Variants in NRXN3 observed in about 807,000 individuals in gnomAD.
NRXN3 encodes neurexin 3, also known as neurexin III.
Under a neutral mutation model 137.6 loss-of-function variants are expected in NRXN3, and 32 were observed. The ratio of observed to expected loss-of-function variants is 0.23; its 90% CI spans 0.18 to 0.31. The LOEUF (loss-of-function observed/expected upper bound fraction) is 0.31, where lower values mean the gene tolerates loss of function less well. Among genes scored for constraint, NRXN3 ranks in the 10% least tolerant of loss-of-function variants. The probability of loss-of-function intolerance (pLI) is 1.00; values close to 1 mark genes in which losing one functional copy is unlikely to be tolerated. For missense variants in NRXN3, 1,574 were observed against 2,062.5 expected (o/e 0.76, Z 4.59); for synonymous variants, 798 against 784.5 (o/e 1.02, Z -0.29).
chr14:78,748,642 A>G lies in NRXN3; in HGVS notation c.2044+33503A>G, dbSNP rs188416551. ...GCCAACCTAGACTCAGTGGTAACAG[A>G]GATAGCGATAAGTGAACAGATGAGA... On this transcript the variant is annotated intron_variant, in intron 8 of 20. Transcript: ENST00000335750. Among the ~76,000 whole-genome samples the G allele has an allele frequency of 4.0e-4, 61 of 152,318 alleles. 1 individual carries two copies. The highest frequency in any genetic ancestry group is 1.4e-3 in the African/African-American group (57 of 41,580).
At chr14:79,739,360 C>A (rs2098952663) in intron 19 of NRXN3, among the ~76,000 whole-genome samples, 1 of 151,868 alleles carries the variant, frequency 6.6e-6, no homozygotes, top group South Asian at 2.1e-4. Flanking sequence ...AGAACCCAGC[C>A]CTCACTGGGC....
chr14:78,927,549 A>G (rs983240611), intron 10 of NRXN3, among the ~76,000 whole-genome samples: 1 of 152,176 alleles, frequency 6.6e-6, no homozygotes, highest in Non-Finnish European at 1.5e-5. Context: ...GGTACTTACC[A>G]TTACTTCATA....
chr14:79,021,860 A>G (rs1367879328), intron 15 of NRXN3, among the ~76,000 whole-genome samples: 1 of 152,188 alleles, frequency 6.6e-6, no homozygotes, highest in Non-Finnish European at 1.5e-5. Flanking sequence ...TGGTGACATC[A>G]TCTGCCAGGC....
chr14:78,385,305 A>G (rs2153635188), intron 4 of NRXN3, among the ~76,000 whole-genome samples: 1 of 136,460 alleles, frequency 7.3e-6, no homozygotes, highest in East Asian at 2.5e-4. Context: ...ACACACACAC[A>G]CACACACACA....
Position 79,565,299 on chromosome 14 carries a change from A to G in NRXN3, c.3444+97897A>G, listed in dbSNP as rs142090559. Among the ~76,000 whole-genome samples, 938 of 133,016 alleles carry G rather than the reference A, an allele frequency of 7.1e-3. 13 individuals are homozygous for G. The highest frequency in any genetic ancestry group is 0.034 in the South Asian group (143 of 4,242). The allele number at this position is 133,016 out of a possible 152,430, so 87.3% of individuals were successfully genotyped here. On this transcript the variant is annotated intron_variant, in intron 16 of 20. Coordinates refer to ENST00000335750, the MANE Select transcript of NRXN3 (RefSeq NM_001330195.2). ...TGTATACATATACGCACACATGTGT[A>G]TATACATATACACACACATGTGTGT...
At chr14:78,573,924 A>G (rs2096912446) in intron 4 of NRXN3, among the ~76,000 whole-genome samples, 1 of 152,226 alleles carries the variant, frequency 6.6e-6, no homozygotes, top group African/African-American at 2.4e-5. Flanking sequence ...TTACAGGACT[A>G]GAGGCCAAGG....
At chr14:78,567,730 G>T (rs539311904) in intron 4 of NRXN3, among the ~76,000 whole-genome samples, 5 of 152,112 alleles carry the variant, frequency 3.3e-5, no homozygotes, top group East Asian at 1.9e-4. Flanking sequence ...ATTATTATTA[G>T]TAGTAGAAAA....
chr14:78,627,007 G>C (rs2097466364), intron 4 of NRXN3, among the ~76,000 whole-genome samples: 1 of 152,072 alleles, frequency 6.6e-6, no homozygotes, highest in African/African-American at 2.4e-5. Context: ...AAATAAAGAG[G>C]TCTGGGAGAA....
In NRXN3 at chr14:78,434,302, G is replaced by A. The variant is rs574634568; in HGVS notation, c.757+136442G>A. On this transcript the variant is annotated intron_variant, in intron 4 of 20. Transcript: ENST00000335750. ...GATTCCTTCTGAGGGTTGTGAGGGA[G>A]GGATCTGTTCCAGGCCTCTCTTTGG... Among the ~76,000 whole-genome samples, 15 of 152,240 alleles carry A rather than the reference G, an allele frequency of 9.9e-5. 1 individual carries two copies. The South Asian group carries it at 3.1e-3, about 32-fold the overall frequency.
intron 15 of NRXN3, among the ~76,000 whole-genome samples, chr14:79,358,395 C>A (rs1356195134): frequency 6.6e-6 from 1 of 151,190 alleles, no homozygotes; most frequent in Non-Finnish European, 1.5e-5. Context: ...ATGGTGAAAC[C>A]CCGTCTCTAC....
intron 19 of NRXN3, among the ~76,000 whole-genome samples, chr14:79,789,700 C>G (rs1179048019): frequency 6.6e-6 from 1 of 152,096 alleles, no homozygotes; most frequent in African/African-American, 2.4e-5. Context: ...TGAGGATGAC[C>G]AGAGGTCACT....
chr14:79,497,512 T>C (rs1376646931), intron 16 of NRXN3, among the ~76,000 whole-genome samples: 1 of 152,164 alleles, frequency 6.6e-6, no homozygotes, highest in East Asian at 1.9e-4. Flanking sequence ...CTGCAGTTCC[T>C]TCTCCCTTAC....
intron 8 of NRXN3, among the ~76,000 whole-genome samples, chr14:78,727,289 A>G (rs887711468): frequency 6.6e-6 from 1 of 152,340 alleles, no homozygotes; most frequent in Non-Finnish European, 1.5e-5. Flanking sequence ...GAAGCAGGCC[A>G]TGCCCTTCCA....
At chr14:78,986,994 G>A (rs371307670) in intron 14 of NRXN3, among the ~76,000 whole-genome samples, 99 of 120,388 alleles carry the variant, frequency 8.2e-4, no homozygotes, top group African/African-American at 3.0e-3. Flanking sequence ...CTGCACTCCA[G>A]TCTAGCAACA....
At chr14:79,254,634 G>A (rs1485060904) in intron 15 of NRXN3, among the ~76,000 whole-genome samples, 1 of 152,110 alleles carries the variant, frequency 6.6e-6, no homozygotes, top group East Asian at 1.9e-4. Flanking sequence ...ACTCTTCTCT[G>A]GGCAAAGTTC....
chr14:78,589,293 G>A (rs1323439122), intron 4 of NRXN3, among the ~76,000 whole-genome samples: 4 of 152,178 alleles, frequency 2.6e-5, no homozygotes, highest in Non-Finnish European at 5.9e-5. Flanking sequence ...GCAGGCTGCT[G>A]CCTTTGGCTG....
intron 16 of NRXN3, among the ~76,000 whole-genome samples, chr14:79,535,474 GCTTTT>G (rs540569283): frequency 1.6e-3 from 239 of 152,186 alleles, no homozygotes; most frequent in African/African-American, 5.4e-3. Flanking sequence ...ATGGGAGGAA[GCTTTT>G]CTTTTCTTAT....
At chr14:78,829,384 C>G (rs1293667994) in intron 10 of NRXN3, among the ~76,000 whole-genome samples, 2 of 152,120 alleles carry the variant, frequency 1.3e-5, no homozygotes, top group Admixed American at 6.5e-5. Context: ...CTGTTTGAAC[C>G]ATATTTGAAG....
chr14:78,227,058 G>A (rs563554617), intron 1 of NRXN3, among the ~76,000 whole-genome samples: 3 of 152,302 alleles, frequency 2.0e-5, no homozygotes, highest in Admixed American at 6.5e-5. Context: ...TGGTTGAGAA[G>A]GATTCTGAAG....
Sources: allele counts gnomAD v4.1 joint callset (sites outside exome capture counted in the v4.1 genomes callset), GRCh38; gene constraint gnomAD v4.1.1; transcripts MANE v1.5; gene names NCBI Gene and HGNC (gene_info 2026-07-23, HGNC 2026-07-21).